HNMT: variants seen among roughly 807,000 people sequenced by gnomAD.
The protein encoded by HNMT is histamine N-methyltransferase.
A neutral mutation model predicts 32.1 loss-of-function variants in HNMT; 30 were observed. That is an observed-to-expected ratio of 0.93 (90% CI 0.70 to 1.27). HNMT has a LOEUF of 1.27. Ranked by LOEUF, HNMT falls within the 50% of genes most tolerant of loss-of-function variation. The pLI is 0.00. For missense variants in HNMT, 327 were observed against 346.0 expected (o/e 0.95, Z 0.43); for synonymous variants, 125 against 119.0 (o/e 1.05, Z -0.33).
rs1470487760 is a variant in HNMT, at chr2:138,002,185, T to A, written c.420T>A (p.His140Gln). The stretch of plus-strand genomic sequence containing the variant: ...AGCTTCAAAAGTGGGACTTTATTCA[T>A]ATGATTCAAGTAAGAAATATGTATT... ...KKELQKWDFI[H>Q]MIQMLYYVKD... is the part of the protein sequence containing the mutation. The change falls in exon 4 of 6, where the codon CAT becomes CAA. Residue 140 changes from histidine (H) to glutamine (Q), a missense_variant. His to Gln is a conservative substitution (Grantham distance 24). Coordinates refer to ENST00000280097, the MANE Select transcript of HNMT (RefSeq NM_006895.3). The A allele has an allele frequency of 1.9e-6, 3 of 1,566,702 alleles. No homozygotes were observed. Among genetic ancestry groups the A allele is most frequent in the Non-Finnish European group, 2.6e-6 (3 of 1,145,304 alleles).
Position 137,981,186 on chromosome 2 carries a change from T to C in HNMT, c.190+10969T>C, listed in dbSNP as rs1215549362. ...CGAATGGCAGGAGATATGGCCACAG[T>C]CTTTAATCCCCTATTTTCTTGACCT... On this transcript the variant is annotated intron_variant, in intron 2 of 5. Coordinates refer to ENST00000280097, the MANE Select transcript of HNMT (RefSeq NM_006895.3). 3.7e-6 allele frequency: 6 copies of C among 1,605,350 alleles called. 1 individual carries two copies. In the South Asian group the frequency reaches 6.6e-5, roughly 18 times the overall value.
intron 2 of HNMT, among the ~76,000 whole-genome samples, chr2:137,984,650 C>T (rs1049540275): frequency 3.0e-4 from 46 of 152,094 alleles, no homozygotes; most frequent in African/African-American, 1.1e-3. Context: ...TTGGTTATCT[C>T]GAAATCTGAA....
intron 2 of HNMT, among the ~76,000 whole-genome samples, chr2:137,979,972 A>G (rs1402416701): frequency 6.6e-6 from 1 of 151,518 alleles, no homozygotes; most frequent in South Asian, 2.1e-4. Context: ...AGCCCAAAGC[A>G]CTGCTCCCAC....
chr2:138,011,471 T>C (rs1355014281), intron 5 of HNMT, among the ~76,000 whole-genome samples: 2 of 152,120 alleles, frequency 1.3e-5, no homozygotes, highest in East Asian at 3.9e-4. Flanking sequence ...AAGTAGAACA[T>C]CAATTATCCT....
chr2:137,978,470 C>A (rs1383475924), intron 2 of HNMT, among the ~76,000 whole-genome samples: 1 of 138,362 alleles, frequency 7.2e-6, no homozygotes, highest in Non-Finnish European at 1.5e-5. Flanking sequence ...TTATACAATA[C>A]ATATGATTAG....
intron 5 of HNMT, among the ~76,000 whole-genome samples, chr2:138,006,619 C>T (rs1681338554): frequency 6.6e-6 from 1 of 152,000 alleles, no homozygotes; most frequent in South Asian, 2.1e-4. Flanking sequence ...CTACAGTATT[C>T]TGCTGGCTGT....
At chr2:137,973,105 T>A (rs115093111) in intron 2 of HNMT, among the ~76,000 whole-genome samples, 2,633 of 152,238 alleles carry the variant, frequency 0.017, 70 homozygotes, top group African/African-American at 0.06. Context: ...ATCAGAAATG[T>A]AAGAAAAACT....
chr2:137,973,024 A>G (rs73961903), intron 2 of HNMT, among the ~76,000 whole-genome samples: 2 of 152,152 alleles, frequency 1.3e-5, no homozygotes, highest in Non-Finnish European at 2.9e-5. Context: ...AGCCCTAATA[A>G]TGTATTAATA....
At position 138,014,445 on chromosome 2, in the gene HNMT, T is replaced by C. The variant is rs983504516; in HGVS notation, c.*315T>C. Reference sequence around the variant, plus strand: ...ATTCCATTTGCTGATTGTCTGAAATTTTCTAGAATACTAATAAAATACATA... The same window carrying C: ...ATTCCATTTGCTGATTGTCTGAAATCTTCTAGAATACTAATAAAATACATA... On this transcript the variant is annotated 3_prime_UTR_variant, in exon 6 of 6. Transcript: ENST00000280097. 30 of 232,934 alleles carry C rather than the reference T, an allele frequency of 1.3e-4. No homozygotes were observed. In the Admixed American group the frequency reaches 1.4e-3, roughly 11 times the overall value. 14.4% of individuals were successfully genotyped at this position (232,934 alleles called of 1,614,324 possible).
chr2:137,999,701 C>A (rs1681102191), intron 2 of HNMT, among the ~76,000 whole-genome samples: 1 of 152,204 alleles, frequency 6.6e-6, no homozygotes, highest in South Asian at 2.1e-4. Context: ...AACATCATAA[C>A]CTAACTGAAT....
rs1679891144 is a variant in HNMT, at chr2:137,964,485, A to C, written c.-7A>C. 1.9e-6 allele frequency: 3 copies of C among 1,612,284 alleles called. No homozygotes were observed. The highest frequency in any genetic ancestry group is 2.5e-6 in the Non-Finnish European group (3 of 1,179,032). ...CTTCCTGCTCTGTCTTTCTCAGAAA[A>C]CCAAATATGGCATCTTCCATGAGGA... is the stretch of plus-strand genomic sequence containing the variant. On this transcript the variant is annotated 5_prime_UTR_variant, in exon 1 of 6. Coordinates refer to ENST00000280097, the MANE Select transcript of HNMT (RefSeq NM_006895.3).
intron 2 of HNMT, 88 bp downstream of exon 2, chr2:137,970,305 T>C (rs1290981164): frequency 5.6e-6 from 4 of 711,164 alleles, no homozygotes; most frequent in Admixed American, 2.9e-5. Flanking sequence ...AGGAAGACTT[T>C]TTTTTTTTGC....
chr2:138,011,066 G>A (rs1365407214), intron 5 of HNMT, among the ~76,000 whole-genome samples: 1 of 148,532 alleles, frequency 6.7e-6, no homozygotes, highest in Admixed American at 6.7e-5. Context: ...AACACCATAT[G>A]TTGTGCCCAC....
chr2:137,990,483 T>C lies in HNMT; in HGVS notation c.191-10435T>C, dbSNP rs1573661238. ...GCCATTACCAGGCTGTTTTGATTCA[T>C]ATAGCTTTATAGTAAGTCTTGAAGT... On this transcript the variant is annotated intron_variant, in intron 2 of 5. Transcript: ENST00000280097. 2.6e-5 allele frequency among the ~76,000 whole-genome samples: 4 copies of C among 152,326 alleles called. No homozygotes were observed. In the South Asian group the frequency reaches 8.3e-4, roughly 32 times the overall value.
At chr2:137,986,247 A>G (rs1287331200) in intron 2 of HNMT, among the ~76,000 whole-genome samples, 1 of 149,950 alleles carries the variant, frequency 6.7e-6, no homozygotes, top group African/African-American at 2.4e-5. Flanking sequence ...GATTATATAT[A>G]TATAATATAA....
At chr2:137,979,487 C>T (rs1680417112) in intron 2 of HNMT, among the ~76,000 whole-genome samples, 1 of 151,856 alleles carries the variant, frequency 6.6e-6, no homozygotes, top group African/African-American at 2.4e-5. Flanking sequence ...CTCCTGACCT[C>T]GTGATCCACC....
At chr2:138,005,454 AAT>A (rs1681304167) in intron 5 of HNMT, among the ~76,000 whole-genome samples, 1 of 152,078 alleles carries the variant, frequency 6.6e-6, no homozygotes, top group East Asian at 1.9e-4. Flanking sequence ...CTTTTGGGAA[AAT>A]ATGTCTTTGT....
chr2:137,981,444 T>A, intron 2 of HNMT: 1 of 1,368,622 alleles, frequency 7.3e-7, no homozygotes, highest in Non-Finnish European at 1.0e-6. Flanking sequence ...GATCACACAG[T>A]TGAAAATTGC....
intron 1 of HNMT, among the ~76,000 whole-genome samples, chr2:137,965,552 C>A (rs1015527011): frequency 6.6e-6 from 1 of 152,070 alleles, no homozygotes; most frequent in Non-Finnish European, 1.5e-5. Flanking sequence ...AATTTTATTT[C>A]CTTTTCTATT....
Sources: allele counts gnomAD v4.1 joint callset (sites outside exome capture counted in the v4.1 genomes callset), GRCh38; gene constraint gnomAD v4.1.1; transcripts MANE v1.5; gene names NCBI Gene and HGNC (gene_info 2026-07-23, HGNC 2026-07-21).